CTNNA3: variants seen among roughly 807,000 people sequenced by gnomAD.
The protein encoded by CTNNA3 is catenin alpha 3, also known as catenin alpha-3.
CTNNA3 carries 76 observed loss-of-function variants against 95.7 expected under a neutral mutation model. The observed-to-expected ratio is 0.79, with a 90% CI of 0.66 to 0.96. CTNNA3 has a LOEUF of 0.96. Ranked by LOEUF, CTNNA3 falls within the 40% of genes least tolerant of loss-of-function variation. CTNNA3 has a pLI of 0.00. For missense variants in CTNNA3, 1,191 were observed against 1,089.8 expected (o/e 1.09, Z -1.31); for synonymous variants, 431 against 374.4 (o/e 1.15, Z -1.74).
At chr10:66,660,616 A>G (rs1846228877) in intron 9 of CTNNA3, among the ~76,000 whole-genome samples, 1 of 152,158 alleles carries the variant, frequency 6.6e-6, no homozygotes, top group Admixed American at 6.5e-5. Context: ...TTCCTTCAAC[A>G]TAGAAGGTAT....
chr10:65,938,238 G>T (rs1318084342), intron 17 of CTNNA3, among the ~76,000 whole-genome samples: 1 of 152,150 alleles, frequency 6.6e-6, no homozygotes, highest in East Asian at 1.9e-4. Context: ...GAATCTTAAT[G>T]CTTTGTTTCA....
At chr10:66,361,247 G>A (rs907405186) in intron 12 of CTNNA3, among the ~76,000 whole-genome samples, 2 of 151,428 alleles carry the variant, frequency 1.3e-5, no homozygotes, top group Admixed American at 6.6e-5. Flanking sequence ...GGGATTACAG[G>A]CATGAGCCAC....
intron 9 of CTNNA3, among the ~76,000 whole-genome samples, chr10:66,762,104 T>C (rs531142022): frequency 6.6e-6 from 1 of 152,328 alleles, no homozygotes; most frequent in African/African-American, 2.4e-5. Flanking sequence ...TAATCCTCTC[T>C]AGAACTAATG....
chr10:67,470,887 C>A (rs1412399292), intron 5 of CTNNA3, among the ~76,000 whole-genome samples: 1 of 152,110 alleles, frequency 6.6e-6, no homozygotes, highest in African/African-American at 2.4e-5. Flanking sequence ...ATAAAGTGAT[C>A]CTCTCACCTC....
chr10:67,623,737 C>T (rs1409697475), intron 2 of CTNNA3, among the ~76,000 whole-genome samples: 2 of 152,072 alleles, frequency 1.3e-5, no homozygotes, highest in East Asian at 3.9e-4. Context: ...AGGAGCCTAG[C>T]GCCATTCTAC....
intron 13 of CTNNA3, among the ~76,000 whole-genome samples, chr10:66,267,308 C>T (rs945620263): frequency 6.6e-6 from 1 of 152,134 alleles, no homozygotes; most frequent in African/African-American, 2.4e-5. Flanking sequence ...TTTCTCCTGT[C>T]TTGACCTCCG....
At chr10:67,364,409 CACAAG>C (rs932271051) in intron 5 of CTNNA3, among the ~76,000 whole-genome samples, 10 of 152,244 alleles carry the variant, frequency 6.6e-5, no homozygotes, top group African/African-American at 2.4e-4. Flanking sequence ...TGAAAATTGG[CACAAG>C]ACAAGGATGC....
At chr10:66,932,902 C>T (rs980645421) in intron 7 of CTNNA3, among the ~76,000 whole-genome samples, 2 of 152,114 alleles carry the variant, frequency 1.3e-5, no homozygotes, top group African/African-American at 4.8e-5. Flanking sequence ...AGAATACGGG[C>T]CTTAGAAATT....
In CTNNA3 at chr10:67,687,637, G is replaced by A. The variant is rs183709198; in HGVS notation, c.-6+8363C>T. ...AGATTTTGTTCAGGGCGCAAGGCTC[G>A]CTTTTGGAGCTTTCTCCTGATATCT... On this transcript the variant is annotated intron_variant, in intron 1 of 17. Transcript: ENST00000433211. Among the ~76,000 whole-genome samples, 121 of 152,190 alleles carry A rather than the reference G, an allele frequency of 8.0e-4. 2 individuals are homozygous for A. Among genetic ancestry groups the A allele is most frequent in the African/African-American group, 2.6e-3 (108 of 41,530 alleles).
At chr10:66,162,523 C>T (rs894043936) in intron 13 of CTNNA3, among the ~76,000 whole-genome samples, 3 of 152,254 alleles carry the variant, frequency 2.0e-5, no homozygotes, top group African/African-American at 7.2e-5. Context: ...CAGGCTGGTA[C>T]TGCAGGTTGT....
intron 14 of CTNNA3, among the ~76,000 whole-genome samples, chr10:66,091,575 A>G (rs112647281): frequency 5.3e-4 from 81 of 152,104 alleles, no homozygotes; most frequent in African/African-American, 1.9e-3. Flanking sequence ...TGAATTTGCT[A>G]TCTAATAGGG....
chr10:67,640,197 T>C (rs1188887936), intron 2 of CTNNA3, among the ~76,000 whole-genome samples: 4 of 152,120 alleles, frequency 2.6e-5, no homozygotes, highest in Admixed American at 2.0e-4. Context: ...ACAAGCATTC[T>C]TATACACCAA....
chr10:66,477,496 A>G (rs113956838), intron 11 of CTNNA3, among the ~76,000 whole-genome samples: 17 of 152,204 alleles, frequency 1.1e-4, no homozygotes, highest in African/African-American at 4.1e-4. Flanking sequence ...AATGATGTAG[A>G]AATGGCTTCC....
chr10:66,995,704 G>C (rs1564819548), intron 7 of CTNNA3, among the ~76,000 whole-genome samples: 1 of 152,046 alleles, frequency 6.6e-6, no homozygotes, highest in Non-Finnish European at 1.5e-5. Flanking sequence ...TCACTAATTT[G>C]TAGCTTTGCT....
At chr10:66,985,107 T>C (rs1302108940) in intron 7 of CTNNA3, among the ~76,000 whole-genome samples, 1 of 152,214 alleles carries the variant, frequency 6.6e-6, no homozygotes, top group East Asian at 1.9e-4. Context: ...ATTTTCCTTA[T>C]GGCTGCCTTC....
chr10:66,533,916 TA>T (rs1841556971), intron 10 of CTNNA3, among the ~76,000 whole-genome samples: 1 of 152,070 alleles, frequency 6.6e-6, no homozygotes, highest in Non-Finnish European at 1.5e-5. Context: ...ACAAAAGAGT[TA>T]AAAAATTTTT....
At chr10:65,952,876 T>A (rs994799430) in intron 17 of CTNNA3, among the ~76,000 whole-genome samples, 21 of 152,212 alleles carry the variant, frequency 1.4e-4, no homozygotes, top group African/African-American at 5.1e-4. Context: ...GTTTTTTAAA[T>A]TGTGGCTTTG....
chr10:66,962,568 C>A (rs1849174009), intron 7 of CTNNA3, among the ~76,000 whole-genome samples: 1 of 151,932 alleles, frequency 6.6e-6, no homozygotes, highest in African/African-American at 2.4e-5. Context: ...TGCCACCACA[C>A]CCAGATAATT....
At chr10:67,047,961 A>G (rs1356575727) in intron 7 of CTNNA3, among the ~76,000 whole-genome samples, 1 of 152,138 alleles carries the variant, frequency 6.6e-6, no homozygotes, top group Admixed American at 6.5e-5. Flanking sequence ...CTGAAGTGGG[A>G]AAGTGAGATT....
Sources: gnomAD v4.1 joint callset for allele counts (sites outside exome capture counted in the v4.1 genomes callset) on GRCh38, gnomAD v4.1.1 for gene constraint, MANE v1.5 for transcripts, NCBI Gene and HGNC (gene_info 2026-07-23, HGNC 2026-07-21) for gene names.